Variants in TG observed in about 807,000 individuals in gnomAD.
TG encodes the protein thyroglobulin.
Under a neutral mutation model 324.7 loss-of-function variants are expected in TG, and 270 were observed. That is an observed-to-expected ratio of 0.83 (90% CI 0.75 to 0.92). The LOEUF (loss-of-function observed/expected upper bound fraction) is 0.92, where lower values mean the gene tolerates loss of function less well. Ranked by LOEUF, TG falls within the 40% of genes least tolerant of loss-of-function variation. The pLI, the probability that TG is intolerant of heterozygous loss-of-function variation, is 0.00. For synonymous variants in TG, 1,401 were observed against 1,327.0 expected (o/e 1.06, Z -1.21); for missense variants, 3,591 against 3,456.4 (o/e 1.04, Z -0.98).
rs369236885 is a variant in TG at position 133,029,922 on chromosome 8, G to C, written c.7138G>C (p.Val2380Leu). ...IRGFGGDPRR[V>L]SLAADRGGAD... ...AGGATTTGGCGGGGACCCTCGGCGC[G>C]TGTCCCTGGCAGCAGACCGTGGCGG... is the stretch of plus-strand genomic sequence containing the variant. Residue 2380 changes from valine to leucine, a missense_variant, in exon 41 of 48, where the codon GTG (valine) becomes CTG (leucine). Transcript: ENST00000220616. 6.2e-7 allele frequency: 1 copy of C among 1,614,190 alleles called. No individual in the cohort carries two copies. Among genetic ancestry groups the C allele is most frequent in the Admixed American group, 1.7e-5 (1 of 60,030 alleles).
chr8:132,959,759 TTACTTTA>T (rs1827484309), intron 27 of TG, among the ~76,000 whole-genome samples: 1 of 152,214 alleles, frequency 6.6e-6, no homozygotes, highest in Admixed American at 6.5e-5. Context: ...ATCAGGGACC[TTACTTTA>T]TATCATGCCT....
intron 43 of TG, among the ~76,000 whole-genome samples, chr8:133,110,568 T>C (rs1441860216): frequency 6.6e-6 from 1 of 152,226 alleles, no homozygotes; most frequent in Non-Finnish European, 1.5e-5. Flanking sequence ...GGCCCTGTGT[T>C]AATGCTTCAG....
chr8:133,091,865 G>T (rs1248572195), intron 41 of TG, among the ~76,000 whole-genome samples: 1 of 152,024 alleles, frequency 6.6e-6, no homozygotes, highest in Admixed American at 6.6e-5. Context: ...GTGTGTAAGT[G>T]TGTATCTCTG....
At chr8:133,082,973 C>G (rs1439880427) in intron 41 of TG, among the ~76,000 whole-genome samples, 3 of 152,202 alleles carry the variant, frequency 2.0e-5, no homozygotes, top group Admixed American at 2.0e-4. Flanking sequence ...CTGTCAGCGC[C>G]TGCTTCCATG....
intron 41 of TG, among the ~76,000 whole-genome samples, chr8:133,054,020 C>T (rs1164711439): frequency 1.3e-5 from 2 of 152,160 alleles, no homozygotes; most frequent in Admixed American, 6.5e-5. Context: ...GCTTGTACTT[C>T]TGTGGGGCAG....
At chr8:132,871,309 C>T (rs1289262338) in intron 3 of TG, 39 bp from the exon 4 acceptor site, 1 of 1,607,534 alleles carries the variant, frequency 6.2e-7, no homozygotes, top group East Asian at 2.2e-5. Context: ...CTGGAAATTT[C>T]CCTGCAGTTC....
At chr8:133,070,168 A>G (rs1216719468) in intron 41 of TG, among the ~76,000 whole-genome samples, 1 of 152,134 alleles carries the variant, frequency 6.6e-6, no homozygotes, top group Non-Finnish European at 1.5e-5. Flanking sequence ...GTGTGTGCCA[A>G]TTTCTGTGGT....
chr8:133,001,535 G>A (rs1833497693), intron 35 of TG, among the ~76,000 whole-genome samples: 1 of 152,196 alleles, frequency 6.6e-6, no homozygotes, highest in East Asian at 1.9e-4. Context: ...CCTTCCTTCT[G>A]TTATCAAAGG....
chr8:133,107,980 T>TTTTTCTTTTCC (rs1554725829), intron 43 of TG, among the ~76,000 whole-genome samples: 1 of 129,114 alleles, frequency 7.7e-6, no homozygotes. Context: ...TTTTCTTTTC[T>TTTTTCTTTTCC]TCTTTTTTTT....
chr8:132,911,379 G>A lies in TG; in HGVS notation c.4005G>A (p.Val1335=). 1 of 1,614,198 alleles carries A rather than the reference G, an allele frequency of 6.2e-7. No homozygotes were observed. Among genetic ancestry groups the A allele is most frequent in the South Asian group, 1.1e-5 (1 of 91,084 alleles). ...TGAAAGTGTCTGTCTTCTTGTAGGT[G>A]AAGACTTTTGGCACCCTGGTTTCCA... is the stretch of plus-strand genomic sequence containing the variant. ...LTARGFCQIQ[V]KTFGTLVSIP... The change falls in exon 19 of 48, where the codon GTG becomes GTA. Residue 1335 remains valine, a splice_region_variant and synonymous_variant. Transcript: ENST00000220616.
At chr8:132,995,397 T>G in intron 35 of TG, 1 of 985,260 alleles carries the variant, frequency 1.0e-6, no homozygotes. Context: ...GGTGCCGCCT[T>G]AGGAGTCTGT....
intron 41 of TG, chr8:133,036,949 C>G (rs1837219205): frequency 6.6e-6 from 1 of 152,360 alleles, no homozygotes; most frequent in South Asian, 2.1e-4. Flanking sequence ...GTGTTACATT[C>G]ATTTCTCATA....
chr8:132,969,714 T>C (rs138203814), intron 32 of TG, 145 bp downstream of exon 32: 13 of 660,934 alleles, frequency 2.0e-5, no homozygotes, highest in South Asian at 3.3e-5. Flanking sequence ...AGATCAAGAC[T>C]ATCCTGACCA....
Position 132,923,472 on chromosome 8 carries a change from G to A in TG, c.4663G>A (p.Glu1555Lys). Residue 1555 changes from glutamate (E) to lysine (K), a missense_variant, in exon 22 of 48, where the codon GAA (glutamate) becomes AAA (lysine). Physicochemically the swap from Glu to Lys is moderately conservative, Grantham distance 56. Coordinates refer to ENST00000220616, the MANE Select transcript of TG (RefSeq NM_003235.5). Reference sequence around the variant, plus strand: ...CGAGGGGCGGAGGCTGCCATGGTGGGAAACAGAGGCCCCTCTTGAGGACTC... The same window carrying A: ...CGAGGGGCGGAGGCTGCCATGGTGGAAAACAGAGGCCCCTCTTGAGGACTC... Reference protein sequence around the residue: ...DGEGRRLPWWETEAPLEDSQC... With the variant: ...DGEGRRLPWWKTEAPLEDSQC... The A allele has an allele frequency of 6.2e-7, 1 of 1,613,998 alleles. No homozygotes were observed. The highest frequency in any genetic ancestry group is 1.7e-4 in the Middle Eastern group (1 of 6,046).
At chr8:132,929,673 A>G (rs1587448203) in intron 23 of TG, among the ~76,000 whole-genome samples, 1 of 152,318 alleles carries the variant, frequency 6.6e-6, no homozygotes, top group East Asian at 1.9e-4. Flanking sequence ...GCAAGGGGTC[A>G]GGGCTTAAAT....
intron 35 of TG, among the ~76,000 whole-genome samples, chr8:133,006,932 G>T (rs1834063282): frequency 6.6e-6 from 1 of 152,218 alleles, no homozygotes; most frequent in South Asian, 2.1e-4. Flanking sequence ...TATGTAGTCA[G>T]TTGGAATCTC....
intron 41 of TG, among the ~76,000 whole-genome samples, chr8:133,039,152 T>C (rs1291698976): frequency 2.6e-5 from 4 of 152,346 alleles, no homozygotes; most frequent in African/African-American, 9.6e-5. Flanking sequence ...GTGCTGGGGT[T>C]ACAGGCGTGA....
chr8:133,039,924 G>T (rs1837853358), intron 41 of TG: 2 of 1,515,616 alleles, frequency 1.3e-6, no homozygotes, highest in Admixed American at 2.0e-5. Flanking sequence ...ACACCGTTTT[G>T]TGCTCACATG....
intron 23 of TG, among the ~76,000 whole-genome samples, chr8:132,930,634 G>A (rs1366736564): frequency 1.3e-5 from 2 of 151,042 alleles, no homozygotes; most frequent in Non-Finnish European, 2.9e-5. Context: ...GCAGTGAGCC[G>A]AGATCGCTCC....
Sources: allele counts gnomAD v4.1 joint callset (sites outside exome capture counted in the v4.1 genomes callset), GRCh38; gene constraint gnomAD v4.1.1; transcripts MANE v1.5; gene names NCBI Gene and HGNC (gene_info 2026-07-23, HGNC 2026-07-21).